The following GLCCI1 variants were observed in gnomAD, a reference collection of about 807,000 sequenced individuals.
The protein encoded by GLCCI1 is glucocorticoid-induced transcript 1 protein.
GLCCI1 carries 24 observed loss-of-function variants against 52.2 expected under a neutral mutation model. The observed-to-expected ratio is 0.46, with a 90% CI of 0.33 to 0.65. The LOEUF is 0.65. Among genes scored for constraint, GLCCI1 ranks in the 30% least tolerant of loss-of-function variants. GLCCI1 has a pLI of 0.02. For missense variants in GLCCI1, 704 were observed against 701.5 expected, an observed-to-expected ratio of 1.00 and a Z score of -0.04; for synonymous variants, 310 against 276.5, an observed-to-expected ratio of 1.12 and a Z score of -1.20.
chr7:8,016,840 G>A (rs188970442), intron 2 of GLCCI1, among the ~76,000 whole-genome samples: 17 of 152,164 alleles, frequency 1.1e-4, no homozygotes, highest in Admixed American at 4.6e-4. Context: ...TACTGTTACC[G>A]GGTTTAAATA....
intron 2 of GLCCI1, among the ~76,000 whole-genome samples, chr7:8,013,518 G>A (rs1040497659): frequency 1.3e-5 from 2 of 151,952 alleles, no homozygotes; most frequent in African/African-American, 2.4e-5. Flanking sequence ...CTAGTCTTGC[G>A]TATTTATTTT....
chr7:8,060,275 CT>C (rs772074876), intron 5 of GLCCI1, 27 bp downstream of exon 5: 45 of 1,573,938 alleles, frequency 2.9e-5, no homozygotes, highest in Admixed American at 1.2e-4. Context: ...TATTTGAATC[CT>C]TTTTTTCTCT....
At chr7:8,012,432 C>CTT (rs71014746) in intron 2 of GLCCI1, among the ~76,000 whole-genome samples, 17 of 70,396 alleles carry the variant, frequency 2.4e-4, no homozygotes, top group African/African-American at 2.9e-4. Flanking sequence ...CCTTTTTATT[C>CTT]TTTTTTTTTT....
chr7:8,019,609 C>T (rs1470790836), intron 2 of GLCCI1, among the ~76,000 whole-genome samples: 1 of 151,836 alleles, frequency 6.6e-6, no homozygotes, highest in Non-Finnish European at 1.5e-5. Context: ...AGGCATTCAT[C>T]GCTGTGCGAA....
At chr7:8,082,256 G>C (rs2127969045) in intron 6 of GLCCI1, among the ~76,000 whole-genome samples, 1 of 152,282 alleles carries the variant, frequency 6.6e-6, no homozygotes, top group South Asian at 2.1e-4. Flanking sequence ...AAAGCGTGCT[G>C]CTTTGTAAGG....
chr7:8,057,356 A>G (rs1056416572), intron 4 of GLCCI1, among the ~76,000 whole-genome samples: 1 of 152,210 alleles, frequency 6.6e-6, no homozygotes, highest in Non-Finnish European at 1.5e-5. Context: ...CATCCATGCA[A>G]TACTGTAGGC....
intron 1 of GLCCI1, among the ~76,000 whole-genome samples, chr7:8,001,263 A>G (rs913988931): frequency 6.6e-6 from 1 of 152,140 alleles, no homozygotes. Context: ...ACATTTGCTT[A>G]TCTGTAAAGA....
intron 3 of GLCCI1, among the ~76,000 whole-genome samples, chr7:8,032,030 A>C (rs1781762719): frequency 2.0e-5 from 3 of 152,074 alleles, no homozygotes; most frequent in African/African-American, 4.8e-5. Flanking sequence ...AACCAATTAG[A>C]GAATCAGCAA....
intron 2 of GLCCI1, among the ~76,000 whole-genome samples, chr7:8,010,763 G>T (rs1000415946): frequency 2.0e-5 from 3 of 151,928 alleles, no homozygotes; most frequent in African/African-American, 7.3e-5. Context: ...CAGGTTTTTG[G>T]GGGACACATA....
Position 8,009,935 on chromosome 7 carries a change from GT to G in GLCCI1, c.609+5887del, listed in dbSNP as rs573867335. Among the ~76,000 whole-genome samples the G allele has an allele frequency of 3.7e-3, 541 of 146,060 alleles. 5 individuals are homozygous for G. Among genetic ancestry groups the G allele is most frequent in the African/African-American group, 0.012 (459 of 39,564 alleles). ...AAAAAAAACCTGAGCACTGGAAGTG[GT>G]TTTTTTTTTTCTTAGAGTTTTGCCA... On this transcript the variant is annotated intron_variant, in intron 2 of 7. Transcript: ENST00000223145.
In GLCCI1 at chr7:8,083,371, T is replaced by G. The variant is rs111420042; in HGVS notation, c.1178-1526T>G. On this transcript the variant is annotated intron_variant, in intron 6 of 7. Transcript: ENST00000223145. Reference sequence around the variant, plus strand: ...TGAGGCCTTATTCTCATCAGATGTTTGGTTTTTTGTTTGTTTGTTTGTTTT... The same window carrying G: ...TGAGGCCTTATTCTCATCAGATGTTGGGTTTTTTGTTTGTTTGTTTGTTTT... 3.8e-4 allele frequency among the ~76,000 whole-genome samples: 58 copies of G among 151,376 alleles called. 1 individual carries two copies. The highest frequency in any genetic ancestry group is 1.0e-3 in the African/African-American group (43 of 41,484).
intron 3 of GLCCI1, among the ~76,000 whole-genome samples, chr7:8,028,578 T>A (rs1781678661): frequency 6.6e-6 from 1 of 151,258 alleles, no homozygotes; most frequent in South Asian, 2.1e-4. Context: ...CAAACCAAAC[T>A]GAAAATTAGT....
chr7:7,997,974 T>G (rs1308000469), intron 1 of GLCCI1, among the ~76,000 whole-genome samples: 2 of 127,794 alleles, frequency 1.6e-5, no homozygotes, highest in Admixed American at 8.1e-5. Context: ...AATAAATAAA[T>G]AAAGTAGCTG....
chr7:7,975,980 C>T (rs1439193886), intron 1 of GLCCI1, among the ~76,000 whole-genome samples: 1 of 152,144 alleles, frequency 6.6e-6, no homozygotes, highest in Non-Finnish European at 1.5e-5. Flanking sequence ...TGGTGCTAAA[C>T]TGATGGAAGC....
rs140670747 is a variant in GLCCI1 at position 8,041,822 on chromosome 7, G to T, written c.697-13611G>T. ...GCCCAGACTGGTCTCGAACTCCTGG[G>T]CTCAAGCAGTCCTCCCGCCTCAGCC... On this transcript the variant is annotated intron_variant, in intron 3 of 7. Coordinates refer to ENST00000223145, the MANE Select transcript of GLCCI1 (RefSeq NM_138426.4). Among the ~76,000 whole-genome samples, 1,111 of 152,154 alleles carry T rather than the reference G, an allele frequency of 7.3e-3. 19 individuals carry two copies. The highest frequency in any genetic ancestry group is 0.025 in the African/African-American group (1,046 of 41,484).
rs77429394 is a variant in GLCCI1, at chr7:8,077,999, C to T, written c.1177+6868C>T. Among the ~76,000 whole-genome samples the T allele has an allele frequency of 1.3e-3, 204 of 152,090 alleles. 2 individuals are homozygous for T. The East Asian group carries it at 0.016, about 12-fold the overall frequency. ...CCTGTAATCCCAGCACTTTGGGAGG[C>T]CAAGGCAGGCGGATAACGAGGTCAG... On this transcript the variant is annotated intron_variant, in intron 6 of 7. Coordinates refer to ENST00000223145, the MANE Select transcript of GLCCI1 (RefSeq NM_138426.4).
In GLCCI1 at chr7:8,086,285, A is replaced by C; in HGVS notation, c.1391A>C (p.Lys464Thr). 6.2e-7 allele frequency: 1 copy of C among 1,614,068 alleles called. No homozygotes were observed. The highest frequency in any genetic ancestry group is 8.5e-7 in the Non-Finnish European group (1 of 1,180,000). ...IPTGSAFCPV[K>T]LLGPLLPASD... ...ACCGGATCAGCTTTCTGTCCTGTAA[A>C]ACTTCTAGGCCCCCTCTTACCTGCT... The change falls in exon 8 of 8, where the codon AAA becomes ACA. Residue 464 changes from lysine to threonine, a missense_variant. By Grantham distance (78) the Lys-to-Thr change is moderately conservative (BLOSUM62 -1). Coordinates refer to ENST00000223145, the MANE Select transcript of GLCCI1 (RefSeq NM_138426.4). This position sits in a 1 kb window ranked among gnomAD's most constrained non-coding sequence, Gnocchi z 4.4.
chr7:8,034,635 A>G (rs1781825745), intron 3 of GLCCI1, among the ~76,000 whole-genome samples: 1 of 152,224 alleles, frequency 6.6e-6, no homozygotes, highest in Non-Finnish European at 1.5e-5. Flanking sequence ...AACCATAGTT[A>G]CAGGTGAATA....
chr7:8,022,614 T>C (rs373166076), intron 3 of GLCCI1, 45 bp downstream of exon 3: 10 of 1,177,118 alleles, frequency 8.5e-6, no homozygotes, highest in Middle Eastern at 4.1e-4. Flanking sequence ...TTGGTCCTAG[T>C]AGATTACCTT....
Sources: gnomAD v4.1 joint callset for allele counts (sites outside exome capture counted in the v4.1 genomes callset) on GRCh38, gnomAD v4.1.1 for gene constraint, Gnocchi (gnomAD v3.1) non-coding constraint, MANE v1.5 for transcripts, NCBI Gene and HGNC (gene_info 2026-07-23, HGNC 2026-07-21) for gene names.